Variants in GABRG3 observed in about 807,000 individuals in gnomAD.
GABRG3 encodes gamma-aminobutyric acid type A receptor subunit gamma3.
GABRG3 carries 25 observed loss-of-function variants against 48.8 expected under a neutral mutation model. That is an observed-to-expected ratio of 0.51 (90% CI 0.37 to 0.72). GABRG3 has a LOEUF of 0.72. Ranked by LOEUF, GABRG3 falls within the 30% of genes least tolerant of loss-of-function variation. The pLI is 0.00. For synonymous variants in GABRG3, 227 were observed against 217.6 expected (o/e 1.04, Z -0.38); for missense variants, 394 against 577.9 (o/e 0.68, Z 3.26).
At chr15:27,107,668 C>T (rs1897474808) in intron 3 of GABRG3, among the ~76,000 whole-genome samples, 1 of 151,780 alleles carries the variant, frequency 6.6e-6, no homozygotes, top group Non-Finnish European at 1.5e-5. Context: ...ATAATCTGGG[C>T]TTTGTTGTTT....
intron 5 of GABRG3, among the ~76,000 whole-genome samples, chr15:27,458,107 G>A (rs1294497717): frequency 6.6e-6 from 1 of 152,022 alleles, no homozygotes; most frequent in African/African-American, 2.4e-5. Context: ...GGTCAGCTGT[G>A]TGGCACATGC....
chr15:27,258,087 A>G (rs958226486), intron 3 of GABRG3, among the ~76,000 whole-genome samples: 1 of 152,116 alleles, frequency 6.6e-6, no homozygotes, highest in Non-Finnish European at 1.5e-5. Context: ...TGTCCTTGCT[A>G]ATGGGTAATG....
At position 27,179,025 on chromosome 15, in the gene GABRG3, A is replaced by G. The variant is rs753321749; in HGVS notation, c.271-147784A>G. On this transcript the variant is annotated intron_variant, in intron 3 of 9. Coordinates refer to ENST00000615808, the MANE Select transcript of GABRG3 (RefSeq NM_033223.5). This position sits in a 1 kb window ranked among gnomAD's most constrained non-coding sequence, Gnocchi z 4.0. Reference sequence around the variant, plus strand: ...GTTTCTATGGCAGCCTCAGAGGAGAATGGGACTGAGAGGAGAGCAGGAGAA... The same window carrying G: ...GTTTCTATGGCAGCCTCAGAGGAGAGTGGGACTGAGAGGAGAGCAGGAGAA... Among the ~76,000 whole-genome samples, 9 of 152,174 alleles carry G rather than the reference A, an allele frequency of 5.9e-5. No homozygotes were observed. Among genetic ancestry groups the G allele is most frequent in the Non-Finnish European group, 8.8e-5 (6 of 68,028 alleles).
At chr15:27,116,379 T>C (rs2140373510) in intron 3 of GABRG3, among the ~76,000 whole-genome samples, 1 of 152,336 alleles carries the variant, frequency 6.6e-6, no homozygotes, top group South Asian at 2.1e-4. Flanking sequence ...TATTTTTTTC[T>C]CATATATGTC....
chr15:27,453,966 C>A (rs532099247), intron 5 of GABRG3, among the ~76,000 whole-genome samples: 3 of 152,140 alleles, frequency 2.0e-5, no homozygotes, highest in African/African-American at 7.2e-5. Flanking sequence ...AACTGTTTCT[C>A]AGCTATGCCT....
At chr15:27,177,011 A>G (rs1002596398) in intron 3 of GABRG3, among the ~76,000 whole-genome samples, 3 of 152,168 alleles carry the variant, frequency 2.0e-5, no homozygotes, top group African/African-American at 7.2e-5. Flanking sequence ...TTGCAAGGCT[A>G]TTTAGTGGGA....
intron 3 of GABRG3, among the ~76,000 whole-genome samples, chr15:27,054,060 C>T (rs1392380841): frequency 6.6e-6 from 1 of 152,044 alleles, no homozygotes; most frequent in Non-Finnish European, 1.5e-5. Context: ...GAGTTCGAGA[C>T]CAGCCTGGCT....
intron 5 of GABRG3, among the ~76,000 whole-genome samples, chr15:27,366,839 C>A (rs1895219421): frequency 6.6e-6 from 1 of 152,184 alleles, no homozygotes; most frequent in Admixed American, 6.5e-5. Context: ...CCCCTGCCCA[C>A]CTTGACCCTG....
chr15:27,321,744 C>T (rs541448915), intron 3 of GABRG3, among the ~76,000 whole-genome samples: 1 of 152,320 alleles, frequency 6.6e-6, no homozygotes, highest in East Asian at 1.9e-4. Context: ...TCCCATCCTG[C>T]TCTAATCTCC....
intron 3 of GABRG3, among the ~76,000 whole-genome samples, chr15:27,269,056 A>G (rs1891003873): frequency 6.6e-6 from 1 of 151,956 alleles, no homozygotes; most frequent in Non-Finnish European, 1.5e-5. Context: ...GGTATATCTA[A>G]TCCTTCTTCC....
chr15:27,353,019 A>C (rs112414870), intron 5 of GABRG3, among the ~76,000 whole-genome samples: 1 of 151,930 alleles, frequency 6.6e-6, no homozygotes, highest in African/African-American at 2.4e-5. Context: ...GTGTTCCTTC[A>C]TGTTCTTTTC....
chr15:27,082,674 A>T (rs1209078820), intron 3 of GABRG3, among the ~76,000 whole-genome samples: 2 of 152,224 alleles, frequency 1.3e-5, no homozygotes, highest in Non-Finnish European at 2.9e-5. Flanking sequence ...ATTGATGTGG[A>T]AAGGATAAAG....
At chr15:27,092,031 G>A (rs1047193112) in intron 3 of GABRG3, among the ~76,000 whole-genome samples, 1 of 152,180 alleles carries the variant, frequency 6.6e-6, no homozygotes, top group African/African-American at 2.4e-5. Flanking sequence ...TTTTGCTGAT[G>A]TCACACCTGT....
intron 3 of GABRG3, among the ~76,000 whole-genome samples, chr15:27,151,139 C>T (rs1898303942): frequency 6.6e-6 from 1 of 152,158 alleles, no homozygotes; most frequent in Admixed American, 6.5e-5. Context: ...AACTATACTA[C>T]AGTATCACAA....
intron 5 of GABRG3, among the ~76,000 whole-genome samples, chr15:27,400,872 C>T (rs1178343019): frequency 1.3e-5 from 2 of 151,948 alleles, no homozygotes; most frequent in Non-Finnish European, 2.9e-5. Flanking sequence ...TGTATTTAAC[C>T]TCAGACCTGG....
intron 3 of GABRG3, among the ~76,000 whole-genome samples, chr15:27,285,640 A>G (rs577444030): frequency 1.3e-5 from 2 of 152,356 alleles, no homozygotes; most frequent in Admixed American, 6.5e-5. Flanking sequence ...GTCTGTTAGC[A>G]TAAGCTGTTA....
chr15:27,035,147 C>G (rs1853362337), intron 3 of GABRG3, among the ~76,000 whole-genome samples: 1 of 152,192 alleles, frequency 6.6e-6, no homozygotes, highest in Admixed American at 6.5e-5. Context: ...GTGGGCTTGG[C>G]TAAAAGGCAT....
chr15:27,412,065 T>C (rs1262615185), intron 5 of GABRG3, among the ~76,000 whole-genome samples: 1 of 152,130 alleles, frequency 6.6e-6, no homozygotes, highest in Non-Finnish European at 1.5e-5. Flanking sequence ...TTTTGTTCCC[T>C]AACTTTTCAT....
At chr15:27,214,260 T>C (rs1434728461) in intron 3 of GABRG3, among the ~76,000 whole-genome samples, 2 of 152,218 alleles carry the variant, frequency 1.3e-5, no homozygotes, top group Admixed American at 1.3e-4. Context: ...AACCACGGAA[T>C]GTGAAATGAA....
Sources: allele counts gnomAD v4.1 joint callset (sites outside exome capture counted in the v4.1 genomes callset), GRCh38; gene constraint gnomAD v4.1.1; non-coding constraint Gnocchi (gnomAD v3.1); transcripts MANE v1.5; gene names NCBI Gene and HGNC (gene_info 2026-07-23, HGNC 2026-07-21).